Variants in PTPN13 observed in about 807,000 individuals in gnomAD.
PTPN13 encodes protein tyrosine phosphatase non-receptor type 13.
Under a neutral mutation model 284.0 loss-of-function variants are expected in PTPN13, and 191 were observed. The ratio of observed to expected loss-of-function variants is 0.67; its 90% CI spans 0.60 to 0.76. PTPN13 has a LOEUF of 0.76. Ranked by LOEUF, PTPN13 falls within the 30% of genes least tolerant of loss-of-function variation. The pLI, the probability that PTPN13 is intolerant of heterozygous loss-of-function variation, is 0.00. For missense variants in PTPN13, 2,797 were observed against 2,939.9 expected, an observed-to-expected ratio of 0.95 and a Z score of 1.12; for synonymous variants, 986 against 1,022.3, an observed-to-expected ratio of 0.96 and a Z score of 0.68.
intron 27 of PTPN13, among the ~76,000 whole-genome samples, chr4:86,767,483 T>C (rs1222630324): frequency 6.6e-6 from 1 of 151,994 alleles, no homozygotes; most frequent in Non-Finnish European, 1.5e-5. Flanking sequence ...TGACCTCAGG[T>C]GATCTGCCCA....
intron 17 of PTPN13, among the ~76,000 whole-genome samples, chr4:86,749,121 C>T (rs1355738803): frequency 1.3e-5 from 2 of 152,114 alleles, no homozygotes; most frequent in East Asian, 3.8e-4. Flanking sequence ...ATATTAAAAA[C>T]CTTTAATGTT....
At chr4:86,681,590 T>C (rs1414241058) in intron 3 of PTPN13, among the ~76,000 whole-genome samples, 1 of 152,174 alleles carries the variant, frequency 6.6e-6, no homozygotes, top group African/African-American at 2.4e-5. Flanking sequence ...AGCTGTGTGA[T>C]CTTGGGCAAG....
At chr4:86,731,020 G>T (rs1432409033) in intron 10 of PTPN13, among the ~76,000 whole-genome samples, 3 of 151,934 alleles carry the variant, frequency 2.0e-5, no homozygotes, top group African/African-American at 7.3e-5. Flanking sequence ...CCCTTATGTT[G>T]AACTTTTACT....
At chr4:86,765,324 A>T in intron 25 of PTPN13, 71 bp from the exon 26 acceptor site, 1 of 1,114,178 alleles carries the variant, frequency 9.0e-7, no homozygotes, top group Non-Finnish European at 1.3e-6. Flanking sequence ...AATCCTTTCT[A>T]GGCCTGAGAT....
In PTPN13 at chr4:86,693,071, TAA is replaced by T. The variant is rs34543988; in HGVS notation, c.547-495_547-494del. Among the ~76,000 whole-genome samples the T allele has an allele frequency of 6.9e-3, 770 of 112,280 alleles. 2 individuals are homozygous for T. Among genetic ancestry groups the T allele is most frequent in the Middle Eastern group, 0.019 (4 of 214 alleles). 73.7% of individuals were successfully genotyped at this position (112,280 alleles called of 152,430 possible). The stretch of plus-strand genomic sequence containing the variant: ...TGACAGAGTGAGACTCCGTTATATT[TAA>T]AAAAAAAAAAAAAAAAAAAAGACTT... On this transcript the variant is annotated intron_variant, in intron 5 of 47. Coordinates refer to ENST00000411767, the MANE Select transcript of PTPN13 (RefSeq NM_080683.3).
intron 2 of PTPN13, among the ~76,000 whole-genome samples, chr4:86,669,336 T>C (rs1157620156): frequency 6.8e-6 from 1 of 146,510 alleles, no homozygotes; most frequent in Non-Finnish European, 1.5e-5. Flanking sequence ...AATAAAGATA[T>C]ACTTTAAATG....
At position 86,635,515 on chromosome 4, in the gene PTPN13, T is replaced by C. The variant is rs565429682; in HGVS notation, c.115+144T>C. ...TGAAAGGAATACTTTCCTTATCTCT[T>C]TTAGGGCTGAAAAAGCTCAGCTATT... is the stretch of plus-strand genomic sequence containing the variant. On this transcript the variant is annotated intron_variant, in intron 2 of 47. Transcript: ENST00000411767. 7.0e-6 allele frequency: 9 copies of C among 1,287,208 alleles called. No homozygotes were observed. In the East Asian group the frequency reaches 2.3e-4, roughly 33 times the overall value. 79.7% of individuals were successfully genotyped at this position (1,287,208 alleles called of 1,614,324 possible).
intron 1 of PTPN13, among the ~76,000 whole-genome samples, chr4:86,624,719 G>T (rs1013325267): frequency 1.3e-5 from 2 of 152,144 alleles, no homozygotes; most frequent in Non-Finnish European, 2.9e-5. Context: ...GGGAGGCTGA[G>T]GCGGGATTGC....
intron 15 of PTPN13, among the ~76,000 whole-genome samples, chr4:86,737,569 A>C (rs550966601): frequency 6.6e-6 from 1 of 151,986 alleles, no homozygotes; most frequent in Non-Finnish European, 1.5e-5. Context: ...TCGAATACAT[A>C]AAGCTCCCTC....
intron 24 of PTPN13, among the ~76,000 whole-genome samples, chr4:86,763,883 A>G (rs1458379243): frequency 6.6e-6 from 1 of 152,156 alleles, no homozygotes; most frequent in Non-Finnish European, 1.5e-5. Flanking sequence ...AAGGGAAGGA[A>G]AGGAGGAAGG....
intron 7 of PTPN13, among the ~76,000 whole-genome samples, chr4:86,705,931 G>A (rs1028887880): frequency 6.6e-6 from 1 of 152,028 alleles, no homozygotes; most frequent in Admixed American, 6.6e-5. Flanking sequence ...TTCTAGGAGG[G>A]TTATTGAGTT....
intron 9 of PTPN13, among the ~76,000 whole-genome samples, chr4:86,721,084 ATTT>A (rs1733603037): frequency 6.7e-6 from 1 of 149,584 alleles, no homozygotes; most frequent in African/African-American, 2.4e-5. Flanking sequence ...TTTGTTTTTG[ATTT>A]TTGTCTCAAA....
intron 39 of PTPN13, among the ~76,000 whole-genome samples, 153 bp downstream of exon 39, chr4:86,785,521 A>AT (rs1361912898): frequency 2.0e-5 from 3 of 151,826 alleles, no homozygotes; most frequent in Non-Finnish European, 2.9e-5. Context: ...GTTATCTCCT[A>AT]TTTTTTTTAT....
chr4:86,639,277 CAG>C (rs1452819787), intron 2 of PTPN13, among the ~76,000 whole-genome samples: 5 of 152,028 alleles, frequency 3.3e-5, no homozygotes, highest in Non-Finnish European at 4.4e-5. Flanking sequence ...GGCGATTCCT[CAG>C]GGATCTAGAA....
intron 1 of PTPN13, among the ~76,000 whole-genome samples, chr4:86,634,504 A>G (rs1722798480): frequency 6.6e-6 from 1 of 152,076 alleles, no homozygotes; most frequent in Non-Finnish European, 1.5e-5. Context: ...CAGCACAGAC[A>G]CTTATCTGAT....
At position 86,728,477 on chromosome 4, in the gene PTPN13, C is replaced by G. The variant is rs1425296711; in HGVS notation, c.1609-3923C>G. Among the ~76,000 whole-genome samples, 2 of 147,166 alleles carry G rather than the reference C, an allele frequency of 1.4e-5. 1 individual carries two copies. The highest frequency in any genetic ancestry group is 3.0e-5 in the Non-Finnish European group (2 of 65,716). ...TCTCTTTGTAGGTCTCTAAGGACTT[C>G]CTTTATGAATCTGGGTGCTCCTGTA... On this transcript the variant is annotated intron_variant, in intron 10 of 47. Transcript: ENST00000411767.
At chr4:86,728,894 C>T (rs957363609) in intron 10 of PTPN13, among the ~76,000 whole-genome samples, 1 of 147,590 alleles carries the variant, frequency 6.8e-6, no homozygotes, top group Admixed American at 6.8e-5. Flanking sequence ...ATGATGTTAT[C>T]TGGTTATTTT....
intron 6 of PTPN13, among the ~76,000 whole-genome samples, chr4:86,700,692 G>A (rs1464074807): frequency 6.6e-6 from 1 of 152,134 alleles, no homozygotes; most frequent in Non-Finnish European, 1.5e-5. Flanking sequence ...CTGAAAACAT[G>A]TCTAATTATA....
At chr4:86,785,088 T>C in intron 38 of PTPN13, 143 bp from the exon 39 acceptor site, 1 of 598,434 alleles carries the variant, frequency 1.7e-6, no homozygotes, top group Non-Finnish European at 2.8e-6. Flanking sequence ...CACATTAGTG[T>C]AAACTACTTT....
Sources: allele counts gnomAD v4.1 joint callset (sites outside exome capture counted in the v4.1 genomes callset), GRCh38; gene constraint gnomAD v4.1.1; transcripts MANE v1.5; gene names NCBI Gene and HGNC (gene_info 2026-07-23, HGNC 2026-07-21).